SEC61A1: variants seen among roughly 807,000 people sequenced by gnomAD.
SEC61A1 encodes the protein protein transport protein Sec61 subunit alpha isoform 1.
In SEC61A1, 15 loss-of-function variants were observed where a neutral mutation model predicts 55.2. The observed-to-expected ratio is 0.27, with a 90% CI of 0.18 to 0.42. The LOEUF (loss-of-function observed/expected upper bound fraction) is 0.42, where lower values mean the gene tolerates loss of function less well. Ranked by LOEUF, SEC61A1 falls within the 10% of genes least tolerant of loss-of-function variation. The probability of loss-of-function intolerance (pLI) is 1.00; values close to 1 mark genes in which losing one functional copy is unlikely to be tolerated. For synonymous variants in SEC61A1, 247 were observed against 234.0 expected (o/e 1.06, Z -0.51); for missense variants, 284 against 602.6 (o/e 0.47, Z 5.53).
At chr3:128,063,226 G>C (rs1032637240) in intron 7 of SEC61A1, among the ~76,000 whole-genome samples, 13 of 152,170 alleles carry the variant, frequency 8.5e-5, no homozygotes, top group Non-Finnish European at 1.8e-4. Context: ...AAGTTCCACA[G>C]TACTAGATGG....
In SEC61A1 at chr3:128,069,831, G is replaced by A. The variant is rs1183153850; in HGVS notation, c.*169G>A. The A allele has an allele frequency of 1.5e-6, 1 of 679,448 alleles. No individual in the cohort carries two copies. The highest frequency in any genetic ancestry group is 2.8e-5 in the East Asian group (1 of 35,368). The allele number at this position is 679,448 out of a possible 1,614,324, so 42.1% of individuals were successfully genotyped here. A position where few individuals can be genotyped will look rare whatever the true frequency, so the allele number is the denominator to read the frequency against. ...TAGACATTTTCCAATTTAAAATTTT[G>A]CTTTTTATCCTGGCACTGGCAAAAA... is the stretch of plus-strand genomic sequence containing the variant. On this transcript the variant is annotated 3_prime_UTR_variant, in exon 12 of 12. Transcript: ENST00000243253.
At chr3:128,052,698 T>G in intron 1 of SEC61A1, 137 bp from the exon 2 acceptor site, 3 of 1,497,448 alleles carry the variant, frequency 2.0e-6, no homozygotes, top group South Asian at 1.2e-5. Context: ...CCTTCTCGAG[T>G]ATCCCCACGC....
At chr3:128,055,781 A>G (rs1420336034) in intron 4 of SEC61A1, 30 bp downstream of exon 4, 19 of 1,560,558 alleles carry the variant, frequency 1.2e-5, no homozygotes, top group Non-Finnish European at 1.7e-5. Context: ...TTTTCTCTGT[A>G]GAGTGTAGGC....
At chr3:128,064,393 C>T (rs59766347) in intron 7 of SEC61A1, among the ~76,000 whole-genome samples, 1 of 151,926 alleles carries the variant, frequency 6.6e-6, no homozygotes, top group Non-Finnish European at 1.5e-5. Context: ...GTAATCCCAA[C>T]ACTTTGGGAG....
Position 128,067,971 on chromosome 3 carries a change from G to C in SEC61A1, c.1168-12G>C. The C allele has an allele frequency of 6.2e-7, 1 of 1,612,346 alleles. No individual in the cohort carries two copies. The highest frequency in any genetic ancestry group is 8.5e-7 in the Non-Finnish European group (1 of 1,178,692). On this transcript the variant is annotated splice_polypyrimidine_tract_variant and intron_variant, in intron 10 of 11. Coordinates refer to ENST00000243253, the MANE Select transcript of SEC61A1 (RefSeq NM_013336.4). The surrounding 1 kb of genome is among the most constrained non-coding windows in gnomAD (Gnocchi z 4.1). ...CTCCAATTCCAACTTCTCCCCTGTG[G>C]GCACCCTGCAGGTTGCAAAGCAGCT...
Position 128,069,813 on chromosome 3 carries a change from T to C in SEC61A1, c.*151T>C. The C allele has an allele frequency of 2.7e-6, 2 of 731,186 alleles. No individual in the cohort carries two copies. The highest frequency in any genetic ancestry group is 2.2e-6 in the Non-Finnish European group (1 of 462,404). 45.3% of individuals were successfully genotyped at this position (731,186 alleles called of 1,614,324 possible). A position where few individuals can be genotyped will look rare whatever the true frequency, so the allele number is the denominator to read the frequency against. The stretch of plus-strand genomic sequence containing the variant: ...TTCCACTGTGTAAAGTGCTAGACAT[T>C]TTCCAATTTAAAATTTTGCTTTTTA... On this transcript the variant is annotated 3_prime_UTR_variant, in exon 12 of 12. Coordinates refer to ENST00000243253, the MANE Select transcript of SEC61A1 (RefSeq NM_013336.4).
upstream of SEC61A1, chr3:128,051,846 A>T: frequency 6.5e-7 from 1 of 1,535,840 alleles, no homozygotes; most frequent in Non-Finnish European, 8.7e-7. Context: ...TCTCAGATGG[A>T]AGGGGACCCA....
intron 7 of SEC61A1, among the ~76,000 whole-genome samples, chr3:128,062,313 T>C (rs1165416465): frequency 6.6e-6 from 1 of 152,208 alleles, no homozygotes; most frequent in Non-Finnish European, 1.5e-5. Flanking sequence ...AGGGCACAGC[T>C]GGGACGGCAG....
chr3:128,052,168 G>A (rs1297569222), upstream of SEC61A1, among the ~76,000 whole-genome samples: 1 of 152,152 alleles, frequency 6.6e-6, no homozygotes, highest in Non-Finnish European at 1.5e-5. Flanking sequence ...AGTCTCGGGA[G>A]GCGTGACACA....
At chr3:128,061,326 C>T (rs978354942) in intron 7 of SEC61A1, among the ~76,000 whole-genome samples, 15 of 152,276 alleles carry the variant, frequency 9.9e-5, no homozygotes, top group African/African-American at 2.9e-4. Flanking sequence ...CACCAAGTGC[C>T]GTGGAAATCT....
chr3:128,064,790 CCT>C (rs1941912454), intron 7 of SEC61A1, 85 bp from the exon 8 acceptor site: 1 of 1,243,288 alleles, frequency 8.0e-7, no homozygotes, highest in Non-Finnish European at 1.1e-6. Flanking sequence ...AGTTTGTTTT[CCT>C]CTTTTTATTT....
chr3:128,069,617 T>G lies in SEC61A1; in HGVS notation c.1386T>G (p.Val462=), dbSNP rs1488820850. 1 of 1,614,122 alleles carries G rather than the reference T, an allele frequency of 6.2e-7. No individual in the cohort carries two copies. The highest frequency in any genetic ancestry group is 8.5e-7 in the Non-Finnish European group (1 of 1,180,032). The change falls in exon 12 of 12, where the codon GTT becomes GTG. Residue 462 remains valine, a synonymous_variant. Transcript: ENST00000243253. ...TIIYQYFEIF[V]KEQSEVGSMG... ...TCTACCAGTACTTTGAGATCTTCGT[T>G]AAGGAGCAAAGCGAGGTTGGCAGCA...
At position 128,064,986 on chromosome 3, in the gene SEC61A1, C is replaced by T. The variant is rs754793205; in HGVS notation, c.726C>T (p.Leu242=). The T allele has an allele frequency of 9.3e-6, 15 of 1,614,272 alleles. No individual in the cohort carries two copies. The South Asian group carries it at 1.5e-4, about 17-fold the overall frequency. ...EAFYRQNLPN[L]MNLIATIFVF... ...TCTACCGCCAGAATCTTCCCAACCT[C>T]ATGAATCTCATCGCCACCATCTTTG... Residue 242 remains leucine (L), a synonymous_variant, in exon 8 of 12, where the codon CTC becomes CTT. Coordinates refer to ENST00000243253, the MANE Select transcript of SEC61A1 (RefSeq NM_013336.4).
Position 128,060,514 on chromosome 3 carries a change from G to A in SEC61A1, c.469G>A (p.Val157Ile). 6.2e-7 allele frequency: 1 copy of A among 1,614,078 alleles called. No individual in the cohort carries two copies. Among genetic ancestry groups the A allele is most frequent in the Non-Finnish European group, 8.5e-7 (1 of 1,179,972 alleles). Residue 157 changes from valine (V) to isoleucine (I), a missense_variant, in exon 7 of 12, where the codon GTT becomes ATT. Physicochemically the swap from Val to Ile is conservative, Grantham distance 29. Transcript: ENST00000243253. The stretch of plus-strand genomic sequence containing the variant: ...TATTTTTGAATTTTTACAGCTCTTT[G>A]TTGCTGGCTTAATTGTCCTACTTTT... ...ICLLITIQLF[V>I]AGLIVLLLDE...
intron 2 of SEC61A1, among the ~76,000 whole-genome samples, chr3:128,053,526 A>G (rs1007824766): frequency 1.3e-5 from 2 of 152,338 alleles, no homozygotes; most frequent in African/African-American, 2.4e-5. Context: ...AAAAAGTTTC[A>G]TTAGGTTCCT....
intron 6 of SEC61A1, 144 bp from the exon 7 acceptor site, chr3:128,060,364 A>G: frequency 9.3e-7 from 1 of 1,077,792 alleles, no homozygotes; most frequent in Non-Finnish European, 1.4e-6. Context: ...CAGCAGAGAA[A>G]GGCTTTACTG....
intron 5 of SEC61A1, 86 bp downstream of exon 5, chr3:128,056,926 ATTTATTT>A (rs1941780264): frequency 1.8e-6 from 2 of 1,098,622 alleles, no homozygotes; most frequent in East Asian, 3.2e-5. Context: ...TTCTTTTTTT[ATTTATTT>A]TTTATTTTTT....
rs1305541490 is a variant in SEC61A1 at position 128,067,971 on chromosome 3, G to T, written c.1168-12G>T. The T allele has an allele frequency of 6.2e-7, 1 of 1,612,346 alleles. No homozygotes were observed. On this transcript the variant is annotated splice_polypyrimidine_tract_variant and intron_variant, in intron 10 of 11. Coordinates refer to ENST00000243253, the MANE Select transcript of SEC61A1 (RefSeq NM_013336.4). This position sits in a 1 kb window ranked among gnomAD's most constrained non-coding sequence, Gnocchi z 4.1. Reference sequence around the variant, plus strand: ...CTCCAATTCCAACTTCTCCCCTGTGGGCACCCTGCAGGTTGCAAAGCAGCT... The same window carrying T: ...CTCCAATTCCAACTTCTCCCCTGTGTGCACCCTGCAGGTTGCAAAGCAGCT...
chr3:128,059,097 T>TA (rs1483029271), intron 5 of SEC61A1, among the ~76,000 whole-genome samples: 1 of 152,224 alleles, frequency 6.6e-6, no homozygotes, highest in Admixed American at 6.5e-5. Flanking sequence ...ACCCATCTAG[T>TA]ACTGTGGAAC....
Sources: gnomAD v4.1 joint callset for allele counts (sites outside exome capture counted in the v4.1 genomes callset) on GRCh38, gnomAD v4.1.1 for gene constraint, Gnocchi (gnomAD v3.1) non-coding constraint, MANE v1.5 for transcripts, NCBI Gene and HGNC (gene_info 2026-07-23, HGNC 2026-07-21) for gene names.